MMP2: variants seen among roughly 807,000 people sequenced by gnomAD.
The protein encoded by MMP2 is matrix metallopeptidase 2, also known as 72 kDa type IV collagenase.
A neutral mutation model predicts 74.8 loss-of-function variants in MMP2; 39 were observed. That is an observed-to-expected ratio of 0.52 (90% CI 0.40 to 0.68). The LOEUF (loss-of-function observed/expected upper bound fraction) is 0.68. Among genes scored for constraint, MMP2 ranks in the 30% least tolerant of loss-of-function variants. The pLI is 0.00. For missense variants in MMP2, 803 were observed against 878.3 expected (o/e 0.91, Z 1.08); for synonymous variants, 367 against 339.8 (o/e 1.08, Z -0.88).
At chr16:55,495,228 G>T (rs927051235) in intron 9 of MMP2, among the ~76,000 whole-genome samples, 20 of 152,186 alleles carry the variant, frequency 1.3e-4, no homozygotes, top group Non-Finnish European at 1.5e-5. Flanking sequence ...GTAAGGATCT[G>T]GCAATGTGCT....
chr16:55,488,542 G>A lies in MMP2; in HGVS notation c.833-1G>A. ...TCCTTCCCTCTCTCCCCCACCCTTAGCCCTGTTCACCATGGGCGGCAACGC... is the reference window on the plus strand; with the variant it reads ...TCCTTCCCTCTCTCCCCCACCCTTAACCCTGTTCACCATGGGCGGCAACGC... On this transcript the variant is annotated splice_acceptor_variant, in intron 5 of 12. Transcript: ENST00000219070. LOFTEE classifies it high-confidence loss of function. The A allele has an allele frequency of 1.9e-6, 3 of 1,613,620 alleles. No individual in the cohort carries two copies. The highest frequency in any genetic ancestry group is 2.5e-6 in the Non-Finnish European group (3 of 1,179,892).
rs557689805 is a variant in MMP2, at chr16:55,498,255, G to A, written c.1610-34G>A. 1.9e-6 allele frequency: 3 copies of A among 1,612,762 alleles called. No individual in the cohort carries two copies. The South Asian group carries it at 3.3e-5, about 18-fold the overall frequency. ...GAACAGGCTGGCCTAGGGCATGTCAGCACCAGCCAACACACCCTTTGCTTC... is the reference window on the plus strand; with the variant it reads ...GAACAGGCTGGCCTAGGGCATGTCAACACCAGCCAACACACCCTTTGCTTC... On this transcript the variant is annotated intron_variant, in intron 10 of 12. Coordinates refer to ENST00000219070, the MANE Select transcript of MMP2 (RefSeq NM_004530.6).
intron 12 of MMP2, among the ~76,000 whole-genome samples, chr16:55,503,720 G>A (rs1962726272): frequency 6.6e-6 from 1 of 152,214 alleles, no homozygotes; most frequent in Admixed American, 6.5e-5. Flanking sequence ...ACAGCTCCAT[G>A]TGTCAGGCAG....
chr16:55,494,835 G>T (rs1451157605), intron 9 of MMP2, among the ~76,000 whole-genome samples: 1 of 152,236 alleles, frequency 6.6e-6, no homozygotes, highest in African/African-American at 2.4e-5. Flanking sequence ...CTTCACAGAT[G>T]CAGCAGCATT....
chr16:55,494,033 T>C (rs1962477929), intron 9 of MMP2, among the ~76,000 whole-genome samples: 1 of 152,214 alleles, frequency 6.6e-6, no homozygotes, highest in Non-Finnish European at 1.5e-5. Flanking sequence ...TCTTCTATCA[T>C]CCATCCATCT....
chr16:55,494,461 T>G (rs1258006671), intron 9 of MMP2, among the ~76,000 whole-genome samples: 2 of 152,224 alleles, frequency 1.3e-5, no homozygotes, highest in African/African-American at 4.8e-5. Context: ...TGCCAAATAC[T>G]TTGCTAGGCT....
chr16:55,489,231 G>T (rs1303250347), intron 6 of MMP2, among the ~76,000 whole-genome samples: 1 of 152,230 alleles, frequency 6.6e-6, no homozygotes, highest in African/African-American at 2.4e-5. Context: ...CATACACAGA[G>T]GTTGGTCTCT....
intron 11 of MMP2, among the ~76,000 whole-genome samples, chr16:55,501,275 A>G (rs8054776): frequency 0.016 from 2,408 of 152,374 alleles, 61 homozygotes; most frequent in African/African-American, 0.052. Context: ...GCAGAGAAGT[A>G]CCACATCTTC....
At chr16:55,483,980 T>G in intron 2 of MMP2, 36 bp from the exon 3 acceptor site, 1 of 1,610,618 alleles carries the variant, frequency 6.2e-7, no homozygotes. Flanking sequence ...CTTATGCACA[T>G]GCATACACAC....
rs189367927 is a variant in MMP2 at position 55,483,254 on chromosome 16, C to A, written c.380+119C>A. 108 of 728,826 alleles carry A rather than the reference C, an allele frequency of 1.5e-4. 1 individual carries two copies. The African/African-American group carries it at 1.8e-3, about 12-fold the overall frequency. 45.1% of individuals were successfully genotyped at this position (728,826 alleles called of 1,614,324 possible). On this transcript the variant is annotated intron_variant, in intron 2 of 12. Coordinates refer to ENST00000219070, the MANE Select transcript of MMP2 (RefSeq NM_004530.6). ...GGTGTCTTTTGTGAAGGCTTGACAT[C>A]TTAGGGAGTTTCAATACACAGTTCT...
At chr16:55,500,985 G>A (rs1338567208) in intron 11 of MMP2, among the ~76,000 whole-genome samples, 2 of 152,146 alleles carry the variant, frequency 1.3e-5, no homozygotes, top group Admixed American at 1.3e-4. Context: ...TGGAGAGACG[G>A]GGGTCAAAAA....
intron 9 of MMP2, 86 bp from the exon 10 acceptor site, chr16:55,496,840 T>A: frequency 6.4e-7 from 1 of 1,562,632 alleles, no homozygotes. Context: ...CTCTGGGATG[T>A]TTCTGGGTGG....
At chr16:55,479,051 A>T (rs1671501506), upstream of MMP2, 1 of 154,574 alleles carries the variant, frequency 6.5e-6, no homozygotes, top group African/African-American at 2.4e-5. Context: ...TGGAGAAAGG[A>T]AAAAAGAGGA....
rs1182416797 is a variant in MMP2 at position 55,505,803 on chromosome 16, G to C, written c.*361G>C. On this transcript the variant is annotated 3_prime_UTR_variant, in exon 13 of 13. Transcript: ENST00000219070. ...CCTTCTGTGGCTCACAGAACCCTTG[G>C]AGCCAATGGAGACTGTCTCAAGAGG... 2 of 349,518 alleles carry C rather than the reference G, an allele frequency of 5.7e-6. No individual in the cohort carries two copies. The highest frequency in any genetic ancestry group is 4.2e-5 in the African/African-American group (2 of 47,438). The allele number at this position is 349,518 out of a possible 1,614,324, so 21.7% of individuals were successfully genotyped here. A position where few individuals can be genotyped will look rare whatever the true frequency, so the allele number is the denominator to read the frequency against.
At chr16:55,495,480 T>C (rs1962510010) in intron 9 of MMP2, among the ~76,000 whole-genome samples, 1 of 152,246 alleles carries the variant, frequency 6.6e-6, no homozygotes, top group African/African-American at 2.4e-5. Context: ...GTGGGGGTCA[T>C]GAAGGACAGT....
chr16:55,499,463 T>G (rs1962612655), intron 11 of MMP2, among the ~76,000 whole-genome samples: 2 of 152,234 alleles, frequency 1.3e-5, no homozygotes, highest in African/African-American at 4.8e-5. Context: ...TGTGTCATGC[T>G]CACAGCAGGC....
intron 9 of MMP2, among the ~76,000 whole-genome samples, chr16:55,494,657 G>C (rs917123357): frequency 1.3e-5 from 2 of 152,232 alleles, no homozygotes; most frequent in Non-Finnish European, 2.9e-5. Context: ...CTAGGCCCCA[G>C]GAATCTGCGT....
chr16:55,497,791 CAG>C (rs1466826629), intron 10 of MMP2, among the ~76,000 whole-genome samples: 1 of 152,164 alleles, frequency 6.6e-6, no homozygotes, highest in Non-Finnish European at 1.5e-5. Flanking sequence ...ACAAACCACT[CAG>C]GGAGACAGAC....
At chr16:55,499,522 GT>G (rs2142369508) in intron 11 of MMP2, among the ~76,000 whole-genome samples, 1 of 152,286 alleles carries the variant, frequency 6.6e-6, no homozygotes, top group African/African-American at 2.4e-5. Flanking sequence ...GAAGCAGATG[GT>G]TCTGTGCTCC....
Sources: allele counts gnomAD v4.1 joint callset (sites outside exome capture counted in the v4.1 genomes callset), GRCh38; gene constraint gnomAD v4.1.1; transcripts MANE v1.5; gene names NCBI Gene and HGNC (gene_info 2026-07-23, HGNC 2026-07-21).